The following GAS7 variants were observed in gnomAD, a reference collection of about 807,000 sequenced individuals.
GAS7 encodes growth arrest-specific protein 7.
GAS7 carries 28 observed loss-of-function variants against 71.1 expected under a neutral mutation model. That is an observed-to-expected ratio of 0.39 (90% CI 0.29 to 0.54). The LOEUF is 0.54. Among genes scored for constraint, GAS7 ranks in the 20% least tolerant of loss-of-function variants. The pLI is 0.62. For synonymous variants in GAS7, 258 were observed against 245.8 expected, an observed-to-expected ratio of 1.05 and a Z score of -0.46; for missense variants, 436 against 627.8, an observed-to-expected ratio of 0.69 and a Z score of 3.27.
At chr17:9,927,487 A>C (rs1281105208) in intron 9 of GAS7, among the ~76,000 whole-genome samples, 4 of 151,908 alleles carry the variant, frequency 2.6e-5, no homozygotes, top group Admixed American at 1.3e-4. Context: ...CTCAAAAAAA[A>C]AAAACAAAAC....
In GAS7 at chr17:10,117,767, C is replaced by T. The variant is rs186488389; in HGVS notation, c.183+80441G>A. Among the ~76,000 whole-genome samples the T allele has an allele frequency of 2.6e-3, 399 of 152,194 alleles. 6 individuals carry two copies. The highest frequency in any genetic ancestry group is 4.1e-3 in the Non-Finnish European group (282 of 67,988). ...CAGCCAGGAGGCGCCTGCAACAGCC[C>T]GGCAGCATTGTGGTGGCAGCTGTGG... On this transcript the variant is annotated intron_variant, in intron 1 of 13. Transcript: ENST00000432992.
At chr17:10,162,436 C>A (rs76964358) in intron 1 of GAS7, among the ~76,000 whole-genome samples, 1 of 149,754 alleles carries the variant, frequency 6.7e-6, no homozygotes, top group Non-Finnish European at 1.5e-5. Flanking sequence ...TTTCCTGGGT[C>A]CCCCCTCCCA....
chr17:10,017,068 C>A (rs910403804), intron 2 of GAS7, among the ~76,000 whole-genome samples: 1 of 151,000 alleles, frequency 6.6e-6, no homozygotes, highest in African/African-American at 2.4e-5. Flanking sequence ...GAGGTTGAGG[C>A]TGCAGTGAGC....
At chr17:10,104,231 G>A (rs550434645) in intron 1 of GAS7, among the ~76,000 whole-genome samples, 1 of 152,152 alleles carries the variant, frequency 6.6e-6, no homozygotes, top group Admixed American at 6.5e-5. Flanking sequence ...CCAAATCCAA[G>A]GGCATCTGTC....
chr17:10,024,297 A>G (rs1381050892), intron 1 of GAS7, among the ~76,000 whole-genome samples: 1 of 152,192 alleles, frequency 6.6e-6, no homozygotes, highest in Non-Finnish European at 1.5e-5. Context: ...TCCAGAGGAC[A>G]CAGTGTGCAT....
intron 2 of GAS7, among the ~76,000 whole-genome samples, chr17:10,017,316 T>A (rs61226838): frequency 0.25 from 37,897 of 149,568 alleles, 5,185 homozygotes; most frequent in African/African-American, 0.34. Context: ...ACGAAAATCA[T>A]CTTCCACTTT....
At chr17:10,053,931 C>A (rs993651404) in intron 1 of GAS7, among the ~76,000 whole-genome samples, 1 of 152,138 alleles carries the variant, frequency 6.6e-6, no homozygotes, top group African/African-American at 2.4e-5. Context: ...CACAGTCTGC[C>A]GGGCCCACCC....
chr17:10,128,229 G>A (rs538164554), intron 1 of GAS7, among the ~76,000 whole-genome samples: 3 of 152,338 alleles, frequency 2.0e-5, no homozygotes, highest in South Asian at 4.1e-4. Flanking sequence ...TCCACTCTGC[G>A]GTGCAGACTT....
At chr17:10,159,378 T>C (rs2074233970) in intron 1 of GAS7, among the ~76,000 whole-genome samples, 1 of 152,026 alleles carries the variant, frequency 6.6e-6, no homozygotes, top group South Asian at 2.1e-4. Context: ...GGTAGCACTG[T>C]TCATAATAGT....
intron 3 of GAS7, among the ~76,000 whole-genome samples, chr17:9,973,453 T>C (rs1192464068): frequency 1.3e-5 from 2 of 152,014 alleles, no homozygotes; most frequent in East Asian, 3.9e-4. Flanking sequence ...GGGGTTTCAC[T>C]ATGTTGACCA....
In GAS7 at chr17:9,926,584, C is replaced by T; in HGVS notation, c.1014+57G>A. 1 of 1,588,456 alleles carries T rather than the reference C, an allele frequency of 6.3e-7. No individual in the cohort carries two copies. The highest frequency in any genetic ancestry group is 8.6e-7 in the Non-Finnish European group (1 of 1,163,522). On this transcript the variant is annotated intron_variant, in intron 10 of 13. Coordinates refer to ENST00000432992, the MANE Select transcript of GAS7 (RefSeq NM_201433.2). The surrounding 1 kb of genome is among the most constrained non-coding windows in gnomAD (Gnocchi z 5.0). ...AGCCACTGCTGGCTTCCCAGTCCCCCTTCTTCCAGGCAGTCCCCCATGCAC... is the reference window on the plus strand; with the variant it reads ...AGCCACTGCTGGCTTCCCAGTCCCCTTTCTTCCAGGCAGTCCCCCATGCAC...
intron 1 of GAS7, chr17:10,039,615 A>G (rs1288603915): frequency 8.4e-6 from 3 of 359,238 alleles, no homozygotes; most frequent in African/African-American, 2.2e-5. Flanking sequence ...CCCGGGAGGC[A>G]GAGGTTGTAG....
chr17:10,177,369 A>ACAGGGTCCATATTTGTG (rs1426592873), intron 1 of GAS7, among the ~76,000 whole-genome samples: 1 of 152,156 alleles, frequency 6.6e-6, no homozygotes, highest in Non-Finnish European at 1.5e-5. Flanking sequence ...TGCAGTTTGT[A>ACAGGGTCCATATTTGTG]CAGGGTCCAT....
intron 4 of GAS7, among the ~76,000 whole-genome samples, chr17:9,961,966 C>T (rs2069512975): frequency 6.6e-6 from 1 of 152,188 alleles, no homozygotes; most frequent in African/African-American, 2.4e-5. Context: ...TATTTTGGGA[C>T]CACTGTGTAT....
chr17:9,924,617 A>G (rs1190022292), intron 11 of GAS7: 1 of 149,420 alleles, frequency 6.7e-6, no homozygotes, highest in Non-Finnish European at 1.5e-5. Context: ...TTGTATAATA[A>G]ACGTTATCCT....
intron 3 of GAS7, among the ~76,000 whole-genome samples, chr17:9,978,935 G>A (rs2070308145): frequency 6.6e-6 from 1 of 152,080 alleles, no homozygotes; most frequent in African/African-American, 2.4e-5. Context: ...TCTTTGTTGT[G>A]AAGACTTGCC....
At chr17:9,960,744 T>C (rs936722167) in intron 4 of GAS7, among the ~76,000 whole-genome samples, 6 of 152,238 alleles carry the variant, frequency 3.9e-5, no homozygotes, top group Non-Finnish European at 8.8e-5. Context: ...TAAGGTCGCA[T>C]ACCCTTACTC....
At chr17:10,074,400 C>T (rs1253535252) in intron 1 of GAS7, among the ~76,000 whole-genome samples, 1 of 152,134 alleles carries the variant, frequency 6.6e-6, no homozygotes, top group East Asian at 1.9e-4. Flanking sequence ...ATCAATAGCT[C>T]TTTTCTCCTT....
intron 1 of GAS7, among the ~76,000 whole-genome samples, chr17:10,196,322 T>G (rs2074540266): frequency 6.6e-6 from 1 of 152,128 alleles, no homozygotes; most frequent in Non-Finnish European, 1.5e-5. Context: ...GTCTATAAAA[T>G]GGGGGAAGTA....
Sources: gnomAD v4.1 joint callset for allele counts (sites outside exome capture counted in the v4.1 genomes callset) on GRCh38, gnomAD v4.1.1 for gene constraint, Gnocchi (gnomAD v3.1) non-coding constraint, MANE v1.5 for transcripts, NCBI Gene and HGNC (gene_info 2026-07-23, HGNC 2026-07-21) for gene names.